PNLIPRP3: variants seen among roughly 807,000 people sequenced by gnomAD.
The protein encoded by PNLIPRP3 is pancreatic lipase related protein 3.
A neutral mutation model predicts 52.8 loss-of-function variants in PNLIPRP3; 58 were observed. The observed-to-expected ratio is 1.10, with a 90% CI of 0.89 to 1.37. The LOEUF is 1.37. Ranked by LOEUF, PNLIPRP3 falls within the 40% of genes most tolerant of loss-of-function variation. The pLI, the probability that PNLIPRP3 is intolerant of heterozygous loss-of-function variation, is 0.00. For missense variants in PNLIPRP3, 593 were observed against 561.6 expected (o/e 1.06, Z -0.57); for synonymous variants, 192 against 185.0 (o/e 1.04, Z -0.31).
intron 1 of PNLIPRP3, among the ~76,000 whole-genome samples, chr10:116,434,307 T>G (rs1175929685): frequency 1.3e-5 from 2 of 152,182 alleles, no homozygotes; most frequent in African/African-American, 2.4e-5. Context: ...TTAATTTTAC[T>G]TTTTTCCATT....
chr10:116,448,193 A>G lies in PNLIPRP3; in HGVS notation c.456+3680A>G, dbSNP rs577372912. On this transcript the variant is annotated intron_variant, in intron 4 of 11. Transcript: ENST00000369230. ...AATTCTAGTATAAAAGTTAAAAGAC[A>G]AAAGTATTAAGAATAACTATAACTA... Among the ~76,000 whole-genome samples, 12 of 152,306 alleles carry G rather than the reference A, an allele frequency of 7.9e-5. No individual in the cohort carries two copies. In the East Asian group the frequency reaches 2.1e-3, roughly 27 times the overall value.
In PNLIPRP3 at chr10:116,469,272, G is replaced by A. The variant is rs777485444; in HGVS notation, c.1015G>A (p.Gly339Arg). 6.2e-7 allele frequency: 1 copy of A among 1,610,602 alleles called. No individual in the cohort carries two copies. Among genetic ancestry groups the A allele is most frequent in the Non-Finnish European group, 8.5e-7 (1 of 1,178,574 alleles). ...TCACTTCAAAAATATGAAGACTAAT[G>A]GATCACATTATTTTTTAAACACAGG... ...RFHFKNMKTN[G>R]SHYFLNTGSL... Residue 339 changes from glycine (G) to arginine (R), a missense_variant, in exon 9 of 12, where the codon GGA becomes AGA. Coordinates refer to ENST00000369230, the MANE Select transcript of PNLIPRP3 (RefSeq NM_001011709.3).
intron 1 of PNLIPRP3, among the ~76,000 whole-genome samples, chr10:116,436,298 T>C (rs1845772229): frequency 6.6e-6 from 1 of 152,150 alleles, no homozygotes; most frequent in South Asian, 2.1e-4. Flanking sequence ...GATATCCACA[T>C]ACAAAAGAAT....
Position 116,441,405 on chromosome 10 carries a change from G to A in PNLIPRP3, c.205-1650G>A, listed in dbSNP as rs75400835. On this transcript the variant is annotated intron_variant, in intron 2 of 11. Coordinates refer to ENST00000369230, the MANE Select transcript of PNLIPRP3 (RefSeq NM_001011709.3). ...AGAAAAGAATAAACAATTTTTTTCGGACTAAATTCCCTCCAAAAGGTTTTT... is the reference window on the plus strand; with the variant it reads ...AGAAAAGAATAAACAATTTTTTTCGAACTAAATTCCCTCCAAAAGGTTTTT... 8.5e-5 allele frequency among the ~76,000 whole-genome samples: 13 copies of A among 152,240 alleles called. No individual in the cohort carries two copies. The East Asian group carries it at 2.5e-3, about 29-fold the overall frequency.
chr10:116,472,477 C>T (rs998240105), intron 10 of PNLIPRP3, among the ~76,000 whole-genome samples: 49 of 152,154 alleles, frequency 3.2e-4, no homozygotes, highest in African/African-American at 1.1e-3. Flanking sequence ...TCAGAATTAA[C>T]ATTATACCTA....
chr10:116,436,789 T>C lies in PNLIPRP3; in HGVS notation c.128T>C (p.Val43Ala), dbSNP rs537887664. Residue 43 changes from valine (V) to alanine (A), a missense_variant, in exon 2 of 12, where the codon GTA (valine) becomes GCA (alanine). By Grantham distance (64) the Val-to-Ala change is moderately conservative. Transcript: ENST00000369230. Reference protein sequence around the residue: ...PWTRTFSTELVGLPWSPEKIN... With the variant: ...PWTRTFSTELAGLPWSPEKIN... ...ACCAGGACTTTCTCAACAGAGTTGGTAGGTTTACCCTGGTCTCCAGAGAAG... is the reference window on the plus strand; with the variant it reads ...ACCAGGACTTTCTCAACAGAGTTGGCAGGTTTACCCTGGTCTCCAGAGAAG... The C allele has an allele frequency of 4.3e-6, 7 of 1,613,822 alleles. No homozygotes were observed. In the African/African-American group the frequency reaches 5.3e-5, roughly 12 times the overall value.
intron 7 of PNLIPRP3, among the ~76,000 whole-genome samples, chr10:116,465,428 G>A (rs1434250350): frequency 2.6e-5 from 4 of 151,934 alleles, no homozygotes; most frequent in Non-Finnish European, 5.9e-5. Context: ...CCAGCTACTC[G>A]GGAGGCTGAG....
intron 7 of PNLIPRP3, among the ~76,000 whole-genome samples, chr10:116,464,291 A>G (rs7069270): frequency 0.21 from 32,650 of 152,054 alleles, 6,076 homozygotes; most frequent in East Asian, 0.63. Flanking sequence ...CTGGTCTACA[A>G]TGGAGATACT....
At position 116,469,192 on chromosome 10, in the gene PNLIPRP3, G is replaced by C. The variant is rs772723964; in HGVS notation, c.935G>C (p.Cys312Ser). Residue 312 changes from cysteine to serine, a missense_variant, in exon 9 of 12, where the codon TGC becomes TCC. Coordinates refer to ENST00000369230, the MANE Select transcript of PNLIPRP3 (RefSeq NM_001011709.3). Reference protein sequence around the residue: ...RSYTSFKAGNCFFCSKEGCPT... With the variant: ...RSYTSFKAGNSFFCSKEGCPT... ...TTCATTTTCTGTCATCAGGGAAATT[G>C]CTTCTTTTGTTCCAAAGAAGGTTGC... 1.9e-6 allele frequency: 3 copies of C among 1,609,998 alleles called. No homozygotes were observed. The highest frequency in any genetic ancestry group is 2.5e-6 in the Non-Finnish European group (3 of 1,178,882).
chr10:116,440,954 G>T (rs1035226636), intron 2 of PNLIPRP3, among the ~76,000 whole-genome samples: 6 of 152,130 alleles, frequency 3.9e-5, no homozygotes, highest in African/African-American at 1.4e-4. Context: ...CTTCATGTCT[G>T]CTCAGTCAAA....
intron 2 of PNLIPRP3, chr10:116,439,333 T>C (rs1020647246): frequency 2.4e-6 from 1 of 416,906 alleles, no homozygotes; most frequent in Non-Finnish European, 4.4e-6. Context: ...GACTACAATA[T>C]GATCATGATC....
chr10:116,442,611 C>T (rs1380547899), intron 2 of PNLIPRP3, among the ~76,000 whole-genome samples: 1 of 152,106 alleles, frequency 6.6e-6, no homozygotes, highest in Non-Finnish European at 1.5e-5. Context: ...TGCCTATAAT[C>T]CCAGCAACTT....
chr10:116,470,950 T>TG (rs1846361851), intron 9 of PNLIPRP3, among the ~76,000 whole-genome samples: 1 of 152,118 alleles, frequency 6.6e-6, no homozygotes, highest in Admixed American at 6.5e-5. Context: ...TGAGCTTGGC[T>TG]GGGGTGGTTT....
At chr10:116,444,238 A>G (rs111244526) in intron 3 of PNLIPRP3, 144 bp from the exon 4 acceptor site, 13,162 of 659,714 alleles carry the variant, frequency 0.02, 199 homozygotes, top group Non-Finnish European at 0.026. Context: ...GGGGATTACA[A>G]ATCAAGATAA....
At position 116,444,503 on chromosome 10, in the gene PNLIPRP3, A is replaced by T. The variant is rs1489512605; in HGVS notation, c.446A>T (p.Asp149Val). ...GGTGCTGAGGTGGCTTATTTTATTG[A>T]TGTTCTCATGGTAAGAAGAGTTGAT... ...VVGAEVAYFI[D>V]VLMKKFEYSP... The change falls in exon 4 of 12, where the codon GAT (aspartate) becomes GTT (valine). Residue 149 changes from aspartate to valine, a missense_variant. Physicochemically the swap from Asp to Val is radical, Grantham distance 152. Coordinates refer to ENST00000369230, the MANE Select transcript of PNLIPRP3 (RefSeq NM_001011709.3). The T allele has an allele frequency of 6.2e-7, 1 of 1,612,958 alleles. No individual in the cohort carries two copies. Among genetic ancestry groups the T allele is most frequent in the Non-Finnish European group, 8.5e-7 (1 of 1,179,466 alleles).
intron 1 of PNLIPRP3, among the ~76,000 whole-genome samples, chr10:116,432,413 G>A (rs1282356975): frequency 6.6e-6 from 1 of 151,906 alleles, no homozygotes; most frequent in Non-Finnish European, 1.5e-5. Flanking sequence ...TAGGCCAAAG[G>A]GGAAATAAAG....
At chr10:116,447,379 C>G (rs1351950212) in intron 4 of PNLIPRP3, among the ~76,000 whole-genome samples, 1 of 152,092 alleles carries the variant, frequency 6.6e-6, no homozygotes, top group African/African-American at 2.4e-5. Flanking sequence ...GCAGAGGTGG[C>G]TATTTTTTCT....
At chr10:116,445,535 G>A (rs1343334390) in intron 4 of PNLIPRP3, among the ~76,000 whole-genome samples, 1 of 136,010 alleles carries the variant, frequency 7.4e-6, no homozygotes, top group Non-Finnish European at 1.6e-5. Context: ...GATGAAATCA[G>A]ATTCATCTTC....
intron 1 of PNLIPRP3, 82 bp downstream of exon 1, chr10:116,428,143 T>C (rs1250050233): frequency 1.8e-5 from 18 of 1,016,730 alleles, no homozygotes; most frequent in Admixed American, 4.6e-5. Flanking sequence ...GAACTTATTC[T>C]TTAGAAATTA....
Sources: gnomAD v4.1 joint callset for allele counts (sites outside exome capture counted in the v4.1 genomes callset) on GRCh38, gnomAD v4.1.1 for gene constraint, MANE v1.5 for transcripts, NCBI Gene and HGNC (gene_info 2026-07-23, HGNC 2026-07-21) for gene names.